CEP350: variants seen among roughly 807,000 people sequenced by gnomAD.
CEP350 encodes centrosome-associated protein 350.
Under a neutral mutation model 331.8 loss-of-function variants are expected in CEP350, and 126 were observed. The ratio of observed to expected loss-of-function variants is 0.38; its 90% CI spans 0.33 to 0.44. The LOEUF (loss-of-function observed/expected upper bound fraction) is 0.44, where lower values mean the gene tolerates loss of function less well. CEP350 is among the 20% of genes least tolerant of loss of function. The pLI, the probability that CEP350 is intolerant of heterozygous loss-of-function variation, is 1.00. For missense variants in CEP350, 3,406 were observed against 3,634.6 expected (o/e 0.94, Z 1.62); for synonymous variants, 1,200 against 1,259.5 (o/e 0.95, Z 1.00).
Position 180,053,784 on chromosome 1 carries a change from G to A in CEP350, c.5024G>A (p.Ser1675Asn), listed in dbSNP as rs183167184. Reference sequence around the variant, plus strand: ...ATGCCATTCTCAGGAGGACAAGATAGCTTTTCTAAATTTACTATGGAGATG... The same window carrying A: ...ATGCCATTCTCAGGAGGACAAGATAACTTTTCTAAATTTACTATGGAGATG... The part of the protein sequence containing the change: ...LNMPFSGGQD[S>N]FSKFTMEMVR... The change falls in exon 24 of 38, where the codon AGC becomes AAC. Residue 1675 changes from serine (S) to asparagine (N), a missense_variant. By Grantham distance (46) the Ser-to-Asn change is conservative. Transcript: ENST00000367607. 1.2e-6 allele frequency: 2 copies of A among 1,604,274 alleles called. No individual in the cohort carries two copies. The highest frequency in any genetic ancestry group is 2.7e-5 in the African/African-American group (2 of 74,884).
In CEP350 at chr1:180,093,735, G is replaced by A; in HGVS notation, c.7630G>A (p.Gly2544Ser). The change falls in exon 34 of 38, where the codon GGT (glycine) becomes AGT (serine). Residue 2544 changes from glycine to serine, a missense_variant. Coordinates refer to ENST00000367607, the MANE Select transcript of CEP350 (RefSeq NM_014810.5). ...PEGNNNGTYDGIAYFECKEKH... is the reference protein window; with the variant it reads ...PEGNNNGTYDSIAYFECKEKH... ...AGGAAATAACAATGGAACATATGATGGTATTGCATATTTTGAGTGCAAAGA... is the reference window on the plus strand; with the variant it reads ...AGGAAATAACAATGGAACATATGATAGTATTGCATATTTTGAGTGCAAAGA... The A allele has an allele frequency of 6.2e-7, 1 of 1,613,848 alleles. No individual in the cohort carries two copies. Among genetic ancestry groups the A allele is most frequent in the Non-Finnish European group, 8.5e-7 (1 of 1,179,804 alleles).
At chr1:180,102,687 C>G (rs1445328357) in intron 37 of CEP350, among the ~76,000 whole-genome samples, 1 of 152,094 alleles carries the variant, frequency 6.6e-6, no homozygotes, top group African/African-American at 2.4e-5. Flanking sequence ...GTTGCATCTA[C>G]CTAAAGTACA....
intron 31 of CEP350, among the ~76,000 whole-genome samples, chr1:180,086,243 G>A (rs947569944): frequency 6.6e-6 from 1 of 151,998 alleles, no homozygotes; most frequent in Non-Finnish European, 1.5e-5. Context: ...GGAAAGAAGT[G>A]GAAACAAAAT....
chr1:180,020,729 G>A lies in CEP350; in HGVS notation c.2955G>A (p.Gly985=), dbSNP rs1174701205. The A allele has an allele frequency of 6.2e-7, 1 of 1,614,034 alleles. No homozygotes were observed. Among genetic ancestry groups the A allele is most frequent in the South Asian group, 1.1e-5 (1 of 91,088 alleles). The change falls in exon 12 of 38, where the codon GGG becomes GGA. Residue 985 remains glycine (G), a synonymous_variant. Coordinates refer to ENST00000367607, the MANE Select transcript of CEP350 (RefSeq NM_014810.5). ...CCAGCATAGATTCAGTCAGTGAAGG[G>A]CCTCTTCTTAGTGAGGGGAGTCTCT... The part of the protein sequence containing the change: ...LGSSIDSVSE[G]PLLSEGSLSE...
In CEP350 at chr1:180,041,155, T is replaced by C; in HGVS notation, c.4128T>C (p.His1376=). Reference sequence around the variant, plus strand: ...TTTTGAAGGCACAACAGCAACGCCATGAAAGAGACTTGGCCCTCTTGAAAC... The same window carrying C: ...TTTTGAAGGCACAACAGCAACGCCACGAAAGAGACTTGGCCCTCTTGAAAC... The part of the protein sequence containing the change: ...AQIIKAQQQR[H]ERDLALLKLK... Residue 1376 remains histidine, a synonymous_variant, in exon 18 of 38, where the codon CAT becomes CAC. Transcript: ENST00000367607. 6.3e-7 allele frequency: 1 copy of C among 1,594,484 alleles called. No individual in the cohort carries two copies. Among genetic ancestry groups the C allele is most frequent in the Non-Finnish European group, 8.5e-7 (1 of 1,170,416 alleles).
intron 1 of CEP350, among the ~76,000 whole-genome samples, chr1:179,976,116 T>C (rs1370165637): frequency 1.3e-5 from 2 of 152,216 alleles, no homozygotes; most frequent in African/African-American, 4.8e-5. Flanking sequence ...GCCTGTTGAC[T>C]GGAAAATTGT....
intron 10 of CEP350, among the ~76,000 whole-genome samples, chr1:180,015,392 G>A (rs905368889): frequency 6.6e-5 from 10 of 151,884 alleles, no homozygotes; most frequent in African/African-American, 1.5e-4. Flanking sequence ...CCGCTACCTC[G>A]CCCGGCTAAT....
intron 14 of CEP350, among the ~76,000 whole-genome samples, chr1:180,028,371 T>C (rs975083753): frequency 6.6e-6 from 1 of 152,234 alleles, no homozygotes; most frequent in Non-Finnish European, 1.5e-5. Flanking sequence ...TTTGCAATTG[T>C]TAGCGTTTGC....
At chr1:179,979,828 C>T (rs1293748725) in intron 1 of CEP350, among the ~76,000 whole-genome samples, 1 of 151,876 alleles carries the variant, frequency 6.6e-6, no homozygotes, top group Non-Finnish European at 1.5e-5. Context: ...GTTCTTGGCA[C>T]CATTGTAAAA....
intron 5 of CEP350, among the ~76,000 whole-genome samples, chr1:179,993,756 T>C (rs1282519909): frequency 1.3e-5 from 2 of 152,110 alleles, no homozygotes; most frequent in East Asian, 1.9e-4. Context: ...AAATTATGTA[T>C]CTTTTAAGAA....
intron 3 of CEP350, among the ~76,000 whole-genome samples, chr1:179,987,946 T>A (rs1652760290): frequency 6.6e-6 from 1 of 151,950 alleles, no homozygotes; most frequent in South Asian, 2.1e-4. Context: ...ATAATAATAA[T>A]AATAATAATT....
At chr1:180,078,268 CAG>C (rs1240734409) in intron 28 of CEP350, among the ~76,000 whole-genome samples, 193 bp from the exon 29 acceptor site, 11 of 152,096 alleles carry the variant, frequency 7.2e-5, no homozygotes, top group Non-Finnish European at 1.5e-4. Context: ...AACATTTGCA[CAG>C]AGAGAGACAA....
intron 28 of CEP350, among the ~76,000 whole-genome samples, chr1:180,076,656 G>A (rs1659242686): frequency 1.3e-5 from 2 of 151,982 alleles, no homozygotes; most frequent in Admixed American, 1.3e-4. Flanking sequence ...GAGCATGGTG[G>A]CACACACCTG....
In CEP350 at chr1:180,096,035, A is replaced by G; in HGVS notation, c.8920-3A>G. The G allele has an allele frequency of 6.4e-7, 1 of 1,551,248 alleles. No individual in the cohort carries two copies. The highest frequency in any genetic ancestry group is 8.7e-7 in the Non-Finnish European group (1 of 1,147,474). On this transcript the variant is annotated splice_polypyrimidine_tract_variant and splice_region_variant and intron_variant, in intron 35 of 37. Coordinates refer to ENST00000367607, the MANE Select transcript of CEP350 (RefSeq NM_014810.5). ...TTGTTTTGTTTTGTTTTTCTCTATCAAGGCGGTTTTTGATTTAACAAAAGA... is the reference window on the plus strand; with the variant it reads ...TTGTTTTGTTTTGTTTTTCTCTATCGAGGCGGTTTTTGATTTAACAAAAGA...
intron 25 of CEP350, among the ~76,000 whole-genome samples, chr1:180,060,625 C>T (rs1008184229): frequency 6.6e-6 from 1 of 152,182 alleles, no homozygotes; most frequent in Admixed American, 6.5e-5. Flanking sequence ...CCAGCCTGGG[C>T]AACAGAGCAA....
At chr1:180,007,702 T>TGCCTAG (rs1342588121) in intron 8 of CEP350, among the ~76,000 whole-genome samples, 1 of 152,182 alleles carries the variant, frequency 6.6e-6, no homozygotes, top group East Asian at 1.9e-4. Context: ...TGAATGGTAT[T>TGCCTAG]GCCTAGGTTT....
At position 180,094,118 on chromosome 1, in the gene CEP350, T is replaced by C. The variant is rs927740484; in HGVS notation, c.8013T>C (p.Ser2671=). The part of the protein sequence containing the change: ...ISSKENKDLI[S]DATEKVSIAA... Reference sequence around the variant, plus strand: ...CAAAGGAAAACAAAGACCTCATTTCTGATGCCACAGAAAAGGTTTCCATCG... The same window carrying C: ...CAAAGGAAAACAAAGACCTCATTTCCGATGCCACAGAAAAGGTTTCCATCG... Residue 2671 remains serine (S), a synonymous_variant, in exon 34 of 38, where the codon TCT becomes TCC. Coordinates refer to ENST00000367607, the MANE Select transcript of CEP350 (RefSeq NM_014810.5). The C allele has an allele frequency of 1.9e-6, 3 of 1,613,782 alleles. No individual in the cohort carries two copies. The highest frequency in any genetic ancestry group is 1.7e-6 in the Non-Finnish European group (2 of 1,179,838).
At chr1:179,993,077 G>A (rs1215107244) in intron 5 of CEP350, among the ~76,000 whole-genome samples, 1 of 151,834 alleles carries the variant, frequency 6.6e-6, no homozygotes, top group Non-Finnish European at 1.5e-5. Flanking sequence ...TATCTCGGTG[G>A]AAATTTTAAG....
chr1:180,101,367 C>A (rs917080631), intron 37 of CEP350, among the ~76,000 whole-genome samples: 3 of 152,030 alleles, frequency 2.0e-5, no homozygotes, highest in Non-Finnish European at 2.9e-5. Flanking sequence ...AGTCTCCTCT[C>A]CCATAATTAG....
Sources: gnomAD v4.1 joint callset for allele counts (sites outside exome capture counted in the v4.1 genomes callset) on GRCh38, gnomAD v4.1.1 for gene constraint, MANE v1.5 for transcripts, NCBI Gene and HGNC (gene_info 2026-07-23, HGNC 2026-07-21) for gene names.